CCDC88A: variants seen among roughly 807,000 people sequenced by gnomAD.
The protein encoded by CCDC88A is coiled-coil and HOOK domain protein 88A.
CCDC88A carries 54 observed loss-of-function variants against 234.3 expected under a neutral mutation model. That is an observed-to-expected ratio of 0.23 (90% CI 0.19 to 0.29). CCDC88A has a LOEUF of 0.29. Ranked by LOEUF, CCDC88A falls within the 10% of genes least tolerant of loss-of-function variation. The probability of loss-of-function intolerance (pLI) is 1.00; values close to 1 mark genes in which losing one functional copy is unlikely to be tolerated. For synonymous variants in CCDC88A, 753 were observed against 737.8 expected (o/e 1.02, Z -0.33); for missense variants, 1,832 against 2,123.4 (o/e 0.86, Z 2.70).
chr2:55,418,152 T>C (rs1190326723), intron 2 of CCDC88A: 3 of 152,236 alleles, frequency 2.0e-5, no homozygotes, highest in Non-Finnish European at 2.9e-5. Context: ...AGACAAAGAT[T>C]TGCCCAATAA....
chr2:55,334,329 T>C lies in CCDC88A; in HGVS notation c.2492A>G (p.Lys831Arg), dbSNP rs759137912. The C allele has an allele frequency of 4.3e-5, 65 of 1,513,680 alleles. No individual in the cohort carries two copies. The highest frequency in any genetic ancestry group is 5.3e-5 in the Non-Finnish European group (60 of 1,138,684). The allele number at this position is 1,513,680 out of a possible 1,614,324, so 93.8% of individuals were successfully genotyped here. Residue 831 changes from lysine to arginine, a missense_variant, in exon 15 of 33, where the codon AAG becomes AGG. Around this residue, in one of 6 missense-constraint regions of CCDC88A, gnomAD observed 1,282 missense variants for 1,543.6 expected, o/e 0.83. Coordinates refer to ENST00000436346, the MANE Select transcript of CCDC88A (RefSeq NM_001365480.1). This position sits in a 1 kb window ranked among gnomAD's most constrained non-coding sequence, Gnocchi z 6.1. Reference sequence around the variant, plus strand: ...CTTATTTTCCTTCTCCAATTGTTTCTTATCCTTTTCCAGTTGAGAAGTCTC... The same window carrying C: ...CTTATTTTCCTTCTCCAATTGTTTCCTATCCTTTTCCAGTTGAGAAGTCTC... Reference protein sequence around the residue: ...EQETSQLEKDKKQLEKENKRL... With the variant: ...EQETSQLEKDRKQLEKENKRL...
chr2:55,312,582 G>A lies in CCDC88A; in HGVS notation c.3934-3C>T. On this transcript the variant is annotated splice_polypyrimidine_tract_variant and splice_region_variant and intron_variant, in intron 22 of 32. Coordinates refer to ENST00000436346, the MANE Select transcript of CCDC88A (RefSeq NM_001365480.1). ...TTTCCTTTAAGTTGGCTTAGCAACT[G>A]TTTAAACACAAACATTTTTTAAAAA... 1 of 1,592,168 alleles carries A rather than the reference G, an allele frequency of 6.3e-7. No individual in the cohort carries two copies. Among genetic ancestry groups the A allele is most frequent in the South Asian group, 1.1e-5 (1 of 88,416 alleles).
chr2:55,414,861 C>T (rs1225186393), intron 2 of CCDC88A, among the ~76,000 whole-genome samples: 12 of 151,644 alleles, frequency 7.9e-5, no homozygotes, highest in African/African-American at 1.9e-4. Context: ...GTCAGGAGAT[C>T]GAGACCATCC....
chr2:55,385,035 A>G (rs1675361656), intron 3 of CCDC88A, among the ~76,000 whole-genome samples: 1 of 152,104 alleles, frequency 6.6e-6, no homozygotes, highest in African/African-American at 2.4e-5. Flanking sequence ...TGCATCCTTG[A>G]CTTGAATACA....
chr2:55,344,007 T>A, intron 11 of CCDC88A: 1 of 419,678 alleles, frequency 2.4e-6, no homozygotes, highest in Non-Finnish European at 4.2e-6. Flanking sequence ...GGGGACACAA[T>A]GAAAATTCTT....
intron 2 of CCDC88A, chr2:55,417,705 G>C (rs959592226): frequency 1.6e-4 from 24 of 152,082 alleles, no homozygotes; most frequent in African/African-American, 4.6e-4. Flanking sequence ...ATCTCTTTGA[G>C]CACACAGAGA....
intron 5 of CCDC88A, among the ~76,000 whole-genome samples, chr2:55,371,965 T>A (rs1672915039): frequency 6.6e-6 from 1 of 152,220 alleles, no homozygotes; most frequent in Non-Finnish European, 1.5e-5. Flanking sequence ...ATTATTATAG[T>A]CATTGATCAA....
At chr2:55,294,412 G>T in intron 31 of CCDC88A, 10 of 898,244 alleles carry the variant, frequency 1.1e-5, no homozygotes, top group Non-Finnish European at 1.3e-5. Flanking sequence ...AAGTTTATAA[G>T]TATTAACAAT....
intron 26 of CCDC88A, 92 bp from the exon 27 acceptor site, chr2:55,302,164 T>C (rs1680975491): frequency 3.2e-6 from 3 of 950,940 alleles, no homozygotes; most frequent in Admixed American, 2.4e-5. Context: ...TTTTTGTCTA[T>C]GAATTAATGC....
intron 2 of CCDC88A, chr2:55,394,190 G>A (rs1433201972): frequency 6.6e-6 from 1 of 152,118 alleles, no homozygotes; most frequent in Non-Finnish European, 1.5e-5. Flanking sequence ...TTGGTTTTTT[G>A]TCCTTGCGAG....
At chr2:55,370,756 C>T (rs1672722492) in intron 5 of CCDC88A, among the ~76,000 whole-genome samples, 1 of 151,220 alleles carries the variant, frequency 6.6e-6, no homozygotes. Flanking sequence ...GCCTGTAATC[C>T]CAGTACTTTG....
intron 3 of CCDC88A, among the ~76,000 whole-genome samples, chr2:55,376,094 C>T (rs1673625260): frequency 6.6e-6 from 1 of 152,120 alleles, no homozygotes; most frequent in South Asian, 2.1e-4. Flanking sequence ...TTAGTTAATA[C>T]ATCAAGTATG....
chr2:55,344,144 A>G (rs1359362224), intron 11 of CCDC88A: 1 of 376,778 alleles, frequency 2.7e-6, no homozygotes, highest in Non-Finnish European at 4.7e-6. Flanking sequence ...TGTGGTATTA[A>G]AAGGTTGAAG....
intron 3 of CCDC88A, 141 bp from the exon 4 acceptor site, chr2:55,375,024 T>C: frequency 1.9e-6 from 1 of 521,952 alleles, no homozygotes; most frequent in Non-Finnish European, 3.5e-6. Context: ...TTATATAAGG[T>C]CTTAAATCTT....
chr2:55,296,811 A>T (rs1423772883), intron 29 of CCDC88A: 1 of 290,740 alleles, frequency 3.4e-6, no homozygotes, highest in Admixed American at 4.8e-5. Flanking sequence ...CATACAAAGC[A>T]TTCAATATAT....
intron 5 of CCDC88A, among the ~76,000 whole-genome samples, chr2:55,364,581 A>G (rs1437528585): frequency 1.3e-5 from 2 of 152,132 alleles, no homozygotes; most frequent in East Asian, 3.8e-4. Context: ...TTCAACATTT[A>G]TAACATAATC....
chr2:55,330,077 T>G (rs539569303), intron 16 of CCDC88A: 1 of 152,288 alleles, frequency 6.6e-6, no homozygotes, highest in South Asian at 2.1e-4. Flanking sequence ...ATTTATTTCG[T>G]TGCTTTTAAA....
Position 55,407,491 on chromosome 2 carries a change from G to C in CCDC88A, c.164+11325C>G, listed in dbSNP as rs1574500323. Among the ~76,000 whole-genome samples, 6 of 151,678 alleles carry C rather than the reference G, an allele frequency of 4.0e-5. 1 individual carries two copies. Among genetic ancestry groups the C allele is most frequent in the Admixed American group, 3.9e-4 (6 of 15,228 alleles). On this transcript the variant is annotated intron_variant, in intron 2 of 32. Transcript: ENST00000436346. ...ATGGTGGTGGGTGCCTATAATCCCAGCTACTTGGGAGGCTGACACAGGAAA... is the reference window on the plus strand; with the variant it reads ...ATGGTGGTGGGTGCCTATAATCCCACCTACTTGGGAGGCTGACACAGGAAA...
intron 23 of CCDC88A, among the ~76,000 whole-genome samples, chr2:55,311,690 G>A (rs1682368951): frequency 6.6e-6 from 1 of 152,188 alleles, no homozygotes. Flanking sequence ...AAAGAGAAGA[G>A]ATGTATTGAG....
Sources: allele counts gnomAD v4.1 joint callset (sites outside exome capture counted in the v4.1 genomes callset), GRCh38; gene constraint gnomAD v4.1.1; regional missense constraint gnomAD v4.1.1; non-coding constraint Gnocchi (gnomAD v3.1); transcripts MANE v1.5; gene names NCBI Gene and HGNC (gene_info 2026-07-23, HGNC 2026-07-21).